The following SCAMP1 variants were observed in gnomAD, a reference collection of about 807,000 sequenced individuals.
SCAMP1 encodes the protein secretory carrier-associated membrane protein 1.
Under a neutral mutation model 41.8 loss-of-function variants are expected in SCAMP1, and 15 were observed. The ratio of observed to expected loss-of-function variants is 0.36; its 90% CI spans 0.24 to 0.55. The LOEUF (loss-of-function observed/expected upper bound fraction) is 0.55, where lower values mean the gene tolerates loss of function less well. Ranked by LOEUF, SCAMP1 falls within the 20% of genes least tolerant of loss-of-function variation. The probability of loss-of-function intolerance (pLI) is 0.86; values close to 1 mark genes in which losing one functional copy is unlikely to be tolerated. For missense variants in SCAMP1, 341 were observed against 412.6 expected, an observed-to-expected ratio of 0.83 and a Z score of 1.50; for synonymous variants, 135 against 136.8, an observed-to-expected ratio of 0.99 and a Z score of 0.09.
In SCAMP1 at chr5:78,416,636, C is replaced by A; in HGVS notation, c.330C>A (p.Asn110Lys). Residue 110 changes from asparagine (N) to lysine (K), a missense_variant, in exon 4 of 9, where the codon AAC (asparagine) becomes AAA (lysine). By Grantham distance (94) the Asn-to-Lys change is moderately conservative. Coordinates refer to ENST00000621999, the MANE Select transcript of SCAMP1 (RefSeq NM_004866.6). ...ATCGTCGGGAACGAGAAATGCAAAA[C>A]CTCAGTCAACATGGTAGTATCCAAA... ...ELDRREREMQ[N>K]LSQHGRKNNW... 1 of 1,585,644 alleles carries A rather than the reference C, an allele frequency of 6.3e-7. No homozygotes were observed. The highest frequency in any genetic ancestry group is 1.3e-5 in the African/African-American group (1 of 74,152).
intron 1 of SCAMP1, among the ~76,000 whole-genome samples, chr5:78,386,334 T>A (rs2112080482): frequency 6.6e-6 from 1 of 152,252 alleles, no homozygotes; most frequent in Non-Finnish European, 1.5e-5. Flanking sequence ...TTACCTTAAG[T>A]TTATGTGAGT....
intron 1 of SCAMP1, among the ~76,000 whole-genome samples, chr5:78,379,763 A>G (rs548922345): frequency 6.6e-6 from 1 of 152,204 alleles, no homozygotes; most frequent in Non-Finnish European, 1.5e-5. Context: ...TGTATTTGTA[A>G]AGTGAGAGTT....
At chr5:78,443,212 CAAAA>C (rs398051015) in intron 6 of SCAMP1, among the ~76,000 whole-genome samples, 5 of 66,052 alleles carry the variant, frequency 7.6e-5, no homozygotes, top group African/African-American at 1.2e-4. Context: ...GACTCTGTCT[CAAAA>C]AAAAAAAAAA....
intron 6 of SCAMP1, among the ~76,000 whole-genome samples, chr5:78,449,315 G>A (rs1008850525): frequency 2.6e-5 from 4 of 152,132 alleles, no homozygotes; most frequent in African/African-American, 9.7e-5. Context: ...GCAATGAAAA[G>A]GAATGAACTT....
chr5:78,436,915 A>T (rs1216482629), intron 6 of SCAMP1, among the ~76,000 whole-genome samples: 10 of 152,078 alleles, frequency 6.6e-5, no homozygotes, highest in Non-Finnish European at 1.5e-5. Context: ...AGTGGTTTGT[A>T]GTTCTCCTTG....
chr5:78,363,922 CTG>C (rs2112033314), intron 1 of SCAMP1, among the ~76,000 whole-genome samples: 1 of 152,172 alleles, frequency 6.6e-6, no homozygotes, highest in Admixed American at 6.5e-5. Flanking sequence ...CTTGGAATAA[CTG>C]GAAATCTGTA....
Position 78,475,772 on chromosome 5 carries a change from G to A in SCAMP1, c.*104G>A, listed in dbSNP as rs1340872337. On this transcript the variant is annotated 3_prime_UTR_variant, in exon 9 of 9. Transcript: ENST00000621999. ...TCAAAACACACAGTACAGACAGCAT[G>A]GATATTTCCTGTTCACTTGTGCATG... The A allele has an allele frequency of 4.6e-6, 4 of 864,526 alleles. No individual in the cohort carries two copies. Among genetic ancestry groups the A allele is most frequent in the African/African-American group, 3.5e-5 (2 of 57,464 alleles). 53.6% of individuals were successfully genotyped at this position (864,526 alleles called of 1,614,324 possible). A position where few individuals can be genotyped will look rare whatever the true frequency, so the allele number is the denominator to read the frequency against.
intron 8 of SCAMP1, among the ~76,000 whole-genome samples, chr5:78,460,801 CT>C (rs1753579502): frequency 3.0e-5 from 2 of 67,266 alleles, no homozygotes; most frequent in Non-Finnish European, 5.2e-5. Context: ...TCCTTCCTTC[CT>C]TCCTCCCTTC....
At chr5:78,382,392 T>C (rs1751225737) in intron 1 of SCAMP1, among the ~76,000 whole-genome samples, 1 of 152,196 alleles carries the variant, frequency 6.6e-6, no homozygotes, top group South Asian at 2.1e-4. Flanking sequence ...TACACACACA[T>C]ACATATACTA....
chr5:78,387,178 G>C (rs189178172), intron 1 of SCAMP1, among the ~76,000 whole-genome samples: 148 of 151,958 alleles, frequency 9.7e-4, no homozygotes, highest in African/African-American at 3.3e-3. Context: ...GTCTTTGTTG[G>C]ATTGGGTTAA....
At chr5:78,452,043 CCAGTTTTGGACTATTA>C (rs1393302546) in intron 7 of SCAMP1, among the ~76,000 whole-genome samples, 7 of 152,078 alleles carry the variant, frequency 4.6e-5, no homozygotes, top group African/African-American at 1.7e-4. Flanking sequence ...AGTATTGTGT[CCAGTTTTGGACTATTA>C]CAAATAAAGC....
chr5:78,441,816 C>T (rs1414716947), intron 6 of SCAMP1, among the ~76,000 whole-genome samples: 1 of 152,120 alleles, frequency 6.6e-6, no homozygotes, highest in Non-Finnish European at 1.5e-5. Flanking sequence ...GCCTGGGCAA[C>T]AGAGTGAGGC....
At chr5:78,474,937 T>C (rs2112260093) in intron 8 of SCAMP1, among the ~76,000 whole-genome samples, 1 of 152,304 alleles carries the variant, frequency 6.6e-6, no homozygotes. Flanking sequence ...AAGTGTTTCT[T>C]TGTGCATTCT....
chr5:78,404,445 C>A (rs1393351684), intron 2 of SCAMP1, among the ~76,000 whole-genome samples: 2 of 114,230 alleles, frequency 1.8e-5, no homozygotes, highest in African/African-American at 4.6e-5. Context: ...CTGTGCCCAG[C>A]CTTACAGGTT....
chr5:78,439,596 A>T (rs927409681), intron 6 of SCAMP1, among the ~76,000 whole-genome samples: 2 of 152,252 alleles, frequency 1.3e-5, no homozygotes, highest in African/African-American at 4.8e-5. Flanking sequence ...TGTTAGTCTG[A>T]TGGGCTTACC....
chr5:78,458,157 C>G (rs536867246), intron 7 of SCAMP1, among the ~76,000 whole-genome samples: 1 of 152,126 alleles, frequency 6.6e-6, no homozygotes, highest in Non-Finnish European at 1.5e-5. Context: ...GCGTCGCTCT[C>G]GCTGGGAGCT....
chr5:78,471,172 G>C (rs889976955), intron 8 of SCAMP1, among the ~76,000 whole-genome samples: 4 of 152,144 alleles, frequency 2.6e-5, no homozygotes, highest in Non-Finnish European at 4.4e-5. Flanking sequence ...AAAAGAAAAA[G>C]TACATACATG....
intron 2 of SCAMP1, among the ~76,000 whole-genome samples, chr5:78,389,830 T>A (rs1182899491): frequency 6.6e-6 from 1 of 151,964 alleles, no homozygotes; most frequent in Non-Finnish European, 1.5e-5. Flanking sequence ...TTTCATCTCC[T>A]GTATTTGGGT....
At chr5:78,460,936 A>G (rs1463681754) in intron 8 of SCAMP1, among the ~76,000 whole-genome samples, 3 of 151,176 alleles carry the variant, frequency 2.0e-5, no homozygotes, top group South Asian at 4.2e-4. Context: ...GCTCATTGCA[A>G]TCTCCACCTC....
Sources: gnomAD v4.1 joint callset for allele counts (sites outside exome capture counted in the v4.1 genomes callset) on GRCh38, gnomAD v4.1.1 for gene constraint, MANE v1.5 for transcripts, NCBI Gene and HGNC (gene_info 2026-07-23, HGNC 2026-07-21) for gene names.